The following LINGO2 variants were observed in gnomAD, a reference collection of about 807,000 sequenced individuals.
LINGO2 encodes the protein leucine rich repeat and Ig domain containing 2, also known as leucine-rich repeat and immunoglobulin-like domain-containing nogo receptor-interacting protein 2.
LINGO2 carries 14 observed loss-of-function variants against 30.6 expected under a neutral mutation model. That is an observed-to-expected ratio of 0.46 (90% confidence interval 0.30 to 0.72). LINGO2 has a LOEUF of 0.72. LINGO2 is among the 30% of genes least tolerant of loss of function. LINGO2 has a pLI of 0.07. For missense variants in LINGO2, 729 were observed against 751.7 expected, an observed-to-expected ratio of 0.97 and a Z score of 0.35; for synonymous variants, 317 against 288.5, an observed-to-expected ratio of 1.10 and a Z score of -1.00.
At chr9:28,088,562 C>T (rs139062287) in intron 4 of LINGO2, among the ~76,000 whole-genome samples, 29 of 152,072 alleles carry the variant, frequency 1.9e-4, no homozygotes, top group African/African-American at 6.5e-4. Context: ...CCTCTGGGTA[C>T]TGACAGAAAC....
chr9:28,306,207 T>C (rs1001849044), intron 3 of LINGO2, among the ~76,000 whole-genome samples: 3 of 152,122 alleles, frequency 2.0e-5, no homozygotes, highest in Non-Finnish European at 4.4e-5. Context: ...GAACTAAGTG[T>C]CTTGCCTTGT....
intron 2 of LINGO2, among the ~76,000 whole-genome samples, chr9:28,388,896 TTCTC>T (rs34568011): frequency 6.0e-5 from 9 of 150,956 alleles, no homozygotes; most frequent in Admixed American, 2.0e-4. Flanking sequence ...CTTTCTCTCT[TTCTC>T]TCTCTCTCTC....
At chr9:27,963,529 A>G (rs76683561) in intron 5 of LINGO2, among the ~76,000 whole-genome samples, 2,095 of 152,204 alleles carry the variant, frequency 0.014, 58 homozygotes, top group African/African-American at 0.048. Flanking sequence ...TTTGATGGAT[A>G]AGGTAATGAT....
At chr9:28,248,676 G>A (rs920337070) in intron 4 of LINGO2, among the ~76,000 whole-genome samples, 16 of 152,066 alleles carry the variant, frequency 1.1e-4, no homozygotes, top group Non-Finnish European at 2.4e-4. Context: ...CCAATTTTCC[G>A]TGATGTGATT....
At chr9:28,761,543 C>G in the LINGO2 span, among the ~76,000 whole-genome samples, 1 of 151,602 alleles carries the variant, frequency 6.6e-6, no homozygotes, top group Non-Finnish European at 1.5e-5. Flanking sequence ...AAGAAAATTA[C>G]CATCTCTTTA....
the LINGO2 span, chr9:27,937,973 C>G: frequency 1.3e-5 from 2 of 152,068 alleles, no homozygotes; most frequent in Non-Finnish European, 2.9e-5. Flanking sequence ...ATACAGAAAG[C>G]TGGGGAGTCA....
At chr9:28,925,117 A>G in the LINGO2 span, among the ~76,000 whole-genome samples, 5 of 152,242 alleles carry the variant, frequency 3.3e-5, no homozygotes, top group African/African-American at 1.2e-4. Context: ...ATATCCAAAC[A>G]TCACATTGTA....
At chr9:28,379,655 G>GTA (rs1295747017) in intron 2 of LINGO2, among the ~76,000 whole-genome samples, 2 of 152,064 alleles carry the variant, frequency 1.3e-5, no homozygotes, top group Non-Finnish European at 2.9e-5. Flanking sequence ...GAATGCTATT[G>GTA]TATGCTTTAT....
chr9:29,205,467 A>T, the LINGO2 span, among the ~76,000 whole-genome samples: 2 of 152,210 alleles, frequency 1.3e-5, no homozygotes, highest in East Asian at 3.8e-4. Flanking sequence ...ATTGCTATTT[A>T]TACTTGCTAA....
chr9:28,063,168 A>G (rs1357615442), intron 4 of LINGO2, among the ~76,000 whole-genome samples: 1 of 152,154 alleles, frequency 6.6e-6, no homozygotes, highest in African/African-American at 2.4e-5. Context: ...GCTGGGAACA[A>G]TTCATACTTT....
the LINGO2 span, among the ~76,000 whole-genome samples, chr9:28,882,338 A>G: frequency 6.6e-6 from 1 of 152,204 alleles, no homozygotes; most frequent in African/African-American, 2.4e-5. Flanking sequence ...AAAGTATGCA[A>G]TCTGGGGTTA....
In LINGO2 at chr9:28,400,282, C is replaced by T. The variant is rs74838091; in HGVS notation, c.-278-27414G>A. ...TTATGATCTGTGGGAGCTCAAAGAA[C>T]GTATGAATTTTCCTAAGTTCCAGTT... is the stretch of plus-strand genomic sequence containing the variant. On this transcript the variant is annotated intron_variant, in intron 2 of 5. Coordinates refer to ENST00000379992, the Ensembl canonical transcript of LINGO2. Among the ~76,000 whole-genome samples, 279 of 152,270 alleles carry T rather than the reference C, an allele frequency of 1.8e-3. 1 individual carries two copies. Among genetic ancestry groups the T allele is most frequent in the African/African-American group, 6.4e-3 (264 of 41,558 alleles).
At chr9:29,003,609 C>T in the LINGO2 span, among the ~76,000 whole-genome samples, 12 of 151,966 alleles carry the variant, frequency 7.9e-5, no homozygotes, top group African/African-American at 2.2e-4. Flanking sequence ...CTGTAGTTTA[C>T]TTTTTCTGAG....
chr9:28,590,699 CACT>C (rs1824846797), intron 1 of LINGO2, among the ~76,000 whole-genome samples: 1 of 152,146 alleles, frequency 6.6e-6, no homozygotes, highest in Admixed American at 6.6e-5. Flanking sequence ...AACACTTTTA[CACT>C]GTTGGCGGGA....
At chr9:28,963,261 TTTTAA>T in the LINGO2 span, among the ~76,000 whole-genome samples, 1 of 151,926 alleles carries the variant, frequency 6.6e-6, no homozygotes, top group African/African-American at 2.4e-5. Context: ...AGCATTGAGT[TTTTAA>T]TTTAATTTTA....
At chr9:28,701,138 G>A in the LINGO2 span, among the ~76,000 whole-genome samples, 9 of 151,502 alleles carry the variant, frequency 5.9e-5, no homozygotes, top group East Asian at 3.9e-4. Flanking sequence ...TGTCTTGCCC[G>A]GAGCAGACAT....
the LINGO2 span, among the ~76,000 whole-genome samples, chr9:29,160,046 A>G: frequency 1.3e-5 from 2 of 152,226 alleles, no homozygotes; most frequent in Non-Finnish European, 2.9e-5. Flanking sequence ...TGTTGAATTT[A>G]GATGAATAGT....
the LINGO2 span, among the ~76,000 whole-genome samples, chr9:29,112,679 C>A: frequency 1.3e-5 from 2 of 152,182 alleles, no homozygotes; most frequent in African/African-American, 4.8e-5. Context: ...AAAAATGCTA[C>A]TCCATTCCTA....
At chr9:28,093,093 T>G (rs556008973) in intron 4 of LINGO2, among the ~76,000 whole-genome samples, 1 of 152,172 alleles carries the variant, frequency 6.6e-6, no homozygotes, top group African/African-American at 2.4e-5. Flanking sequence ...AAGTACATGT[T>G]TTTTATCTCT....
Sources: gnomAD v4.1 joint callset for allele counts (sites outside exome capture counted in the v4.1 genomes callset) on GRCh38, gnomAD v4.1.1 for gene constraint, MANE v1.5 for transcripts, NCBI Gene and HGNC (gene_info 2026-07-23, HGNC 2026-07-21) for gene names.